The following KALRN variants were observed in gnomAD, a reference collection of about 807,000 sequenced individuals.
KALRN encodes kalirin.
In KALRN, 70 loss-of-function variants were observed where a neutral mutation model predicts 353.7. That is an observed-to-expected ratio of 0.20 (90% confidence interval 0.16 to 0.24). The LOEUF (loss-of-function observed/expected upper bound fraction) is 0.24, where lower values mean the gene tolerates loss of function less well. KALRN is among the 10% of genes least tolerant of loss of function. The probability of loss-of-function intolerance (pLI) is 1.00; values close to 1 mark genes in which losing one functional copy is unlikely to be tolerated. For missense variants in KALRN, 2,791 were observed against 3,756.7 expected, an observed-to-expected ratio of 0.74 and a Z score of 6.72; for synonymous variants, 1,391 against 1,434.8, an observed-to-expected ratio of 0.97 and a Z score of 0.69.
At chr3:124,041,187 G>A (rs1483443639) in intron 1 of KALRN, among the ~76,000 whole-genome samples, 1 of 152,110 alleles carries the variant, frequency 6.6e-6, no homozygotes, top group Non-Finnish European at 1.5e-5. Flanking sequence ...GAAGGAGGCT[G>A]AGAAGGTCAG....
At position 124,466,100 on chromosome 3, in the gene KALRN, A is replaced by G. The variant is rs1032649982; in HGVS notation, c.4031+3467A>G. On this transcript the variant is annotated intron_variant, in intron 25 of 59. Transcript: ENST00000682506. ...TGTCTGTGATCTGTCTGTCTCAAGGACCTTTGTCTTTATAGGTATTGAATG... is the reference window on the plus strand; with the variant it reads ...TGTCTGTGATCTGTCTGTCTCAAGGGCCTTTGTCTTTATAGGTATTGAATG... Among the ~76,000 whole-genome samples the G allele has an allele frequency of 2.0e-5, 3 of 149,750 alleles. No individual in the cohort carries two copies. The East Asian group carries it at 6.1e-4, about 30-fold the overall frequency.
chr3:124,061,885 C>T (rs2042023728), intron 1 of KALRN, among the ~76,000 whole-genome samples: 1 of 152,172 alleles, frequency 6.6e-6, no homozygotes, highest in Admixed American at 6.5e-5. Flanking sequence ...TTCTATGGCA[C>T]AAGTGCTTGT....
intron 10 of KALRN, among the ~76,000 whole-genome samples, chr3:124,368,170 A>C (rs1360697761): frequency 1.8e-5 from 1 of 56,570 alleles, no homozygotes; most frequent in South Asian, 8.2e-4. Context: ...CCCGGACAGC[A>C]CGGCTGGCCG....
chr3:124,238,589 C>G (rs1027713634), intron 3 of KALRN, among the ~76,000 whole-genome samples: 1 of 152,156 alleles, frequency 6.6e-6, no homozygotes, highest in Admixed American at 6.5e-5. Flanking sequence ...AGTATTACCA[C>G]CCCCACCAAT....
At chr3:124,098,221 G>A (rs1381278204) in intron 1 of KALRN, among the ~76,000 whole-genome samples, 1 of 152,140 alleles carries the variant, frequency 6.6e-6, no homozygotes, top group African/African-American at 2.4e-5. Context: ...ATGATTTTAG[G>A]TGATTTACAG....
chr3:124,113,007 T>TA (rs1028819467), intron 1 of KALRN, among the ~76,000 whole-genome samples: 6 of 152,114 alleles, frequency 3.9e-5, no homozygotes, highest in Non-Finnish European at 8.8e-5. Flanking sequence ...CAGACTCCTT[T>TA]AAAAAAACCA....
intron 6 of KALRN, among the ~76,000 whole-genome samples, chr3:124,311,320 G>C (rs955171038): frequency 1.3e-5 from 2 of 151,822 alleles, no homozygotes; most frequent in Non-Finnish European, 2.9e-5. Context: ...AAAACTAACT[G>C]GGCATGGTGG....
intron 51 of KALRN, among the ~76,000 whole-genome samples, chr3:124,687,399 CA>C (rs2061613056): frequency 6.6e-6 from 1 of 152,200 alleles, no homozygotes; most frequent in Non-Finnish European, 1.5e-5. Flanking sequence ...AGTGCATACA[CA>C]GCAACGCACC....
intron 1 of KALRN, among the ~76,000 whole-genome samples, chr3:124,166,553 C>G (rs2070882131): frequency 6.6e-6 from 1 of 152,098 alleles, no homozygotes; most frequent in Non-Finnish European, 1.5e-5. Context: ...TATATTATGT[C>G]TCTCCCTAAC....
Position 124,526,608 on chromosome 3 carries a change from A to C in KALRN, c.4935+30195A>C, listed in dbSNP as rs545870382. Among the ~76,000 whole-genome samples the C allele has an allele frequency of 2.0e-5, 3 of 152,238 alleles. No homozygotes were observed. In the South Asian group the frequency reaches 6.2e-4, roughly 32 times the overall value. On this transcript the variant is annotated intron_variant, in intron 33 of 59. Coordinates refer to ENST00000682506, the MANE Select transcript of KALRN (RefSeq NM_001388419.1). ...ATAATAATAATGATAATAATAGTGC[A>C]TATGGGAGCAGGGGTAGGAGGAGTA... is the stretch of plus-strand genomic sequence containing the variant.
intron 10 of KALRN, among the ~76,000 whole-genome samples, chr3:124,363,045 A>C (rs1216290343): frequency 6.6e-6 from 1 of 152,216 alleles, no homozygotes; most frequent in Non-Finnish European, 1.5e-5. Flanking sequence ...ATCATTGTAT[A>C]TTACATACAG....
At chr3:124,263,483 A>G (rs544276220) in intron 3 of KALRN, among the ~76,000 whole-genome samples, 1 of 152,192 alleles carries the variant, frequency 6.6e-6, no homozygotes, top group Non-Finnish European at 1.5e-5. Flanking sequence ...AGGCTGAGGC[A>G]GGGGGATCAT....
intron 59 of KALRN, among the ~76,000 whole-genome samples, chr3:124,718,273 A>G (rs1407769101): frequency 6.6e-6 from 1 of 151,370 alleles, no homozygotes; most frequent in Non-Finnish European, 1.5e-5. Context: ...GGCGCCCACC[A>G]CCATGCCTGG....
chr3:124,093,617 G>A (rs979268264), intron 1 of KALRN, among the ~76,000 whole-genome samples: 3 of 152,208 alleles, frequency 2.0e-5, no homozygotes, highest in Non-Finnish European at 4.4e-5. Flanking sequence ...AAATAACATT[G>A]TATCAGGGAC....
At chr3:124,179,718 G>C (rs191020533) in intron 1 of KALRN, among the ~76,000 whole-genome samples, 93 of 152,298 alleles carry the variant, frequency 6.1e-4, no homozygotes, top group Non-Finnish European at 1.2e-3. Flanking sequence ...TAGGTGGTAG[G>C]AGTTTTTCAG....
intron 1 of KALRN, among the ~76,000 whole-genome samples, chr3:124,147,113 G>C (rs1040779767): frequency 1.1e-4 from 17 of 152,266 alleles, no homozygotes; most frequent in Middle Eastern, 3.4e-3. Flanking sequence ...AAAAGAGCAA[G>C]TAAGGTCCCC....
chr3:124,622,116 C>T (rs2079340335), intron 34 of KALRN, among the ~76,000 whole-genome samples: 1 of 152,114 alleles, frequency 6.6e-6, no homozygotes, highest in Admixed American at 6.5e-5. Context: ...AGTACATTGG[C>T]CTTATACAAC....
In KALRN at chr3:124,384,951, T is replaced by G. The variant is rs751509204; in HGVS notation, c.1877T>G (p.Val626Gly). 6.2e-7 allele frequency: 1 copy of G among 1,614,048 alleles called. No homozygotes were observed. The highest frequency in any genetic ancestry group is 8.5e-7 in the Non-Finnish European group (1 of 1,179,982). The change falls in exon 11 of 60, where the codon GTG becomes GGG. Residue 626 changes from valine to glycine, a missense_variant. Around this residue, in one of 11 missense-constraint regions of KALRN, gnomAD observed 452 missense variants for 575.8 expected, o/e 0.78. Transcript: ENST00000682506. ...TACAAGGCAGCTCGACACCTGGAGG[T>G]GCGCATCCAAGACTTCGTGCGCAGG... The part of the protein sequence containing the change: ...EIYKAARHLE[V>G]RIQDFVRRVE...
intron 25 of KALRN, 75 bp from the exon 26 acceptor site, chr3:124,474,588 T>A (rs1003713968): frequency 1.8e-6 from 2 of 1,117,558 alleles, no homozygotes; most frequent in African/African-American, 3.1e-5. Flanking sequence ...GTTATGGTTG[T>A]GCTGGCCTCA....
Sources: gnomAD v4.1 joint callset for allele counts (sites outside exome capture counted in the v4.1 genomes callset) on GRCh38, gnomAD v4.1.1 for gene constraint, gnomAD v4.1.1 regional missense constraint, MANE v1.5 for transcripts, NCBI Gene and HGNC (gene_info 2026-07-23, HGNC 2026-07-21) for gene names.